Variants in TTN observed in about 807,000 individuals in gnomAD.
TTN encodes titin.
A neutral mutation model predicts 3,223.0 loss-of-function variants in TTN; 1,525 were observed. The observed-to-expected ratio is 0.47, with a 90% CI of 0.45 to 0.49. The LOEUF is 0.49. Among genes scored for constraint, TTN ranks in the 20% least tolerant of loss-of-function variants. The probability of loss-of-function intolerance (pLI) is 0.00; values close to 1 mark genes in which losing one functional copy is unlikely to be tolerated. For missense variants in TTN, 40,786 were observed against 43,424.0 expected (o/e 0.94, Z 5.40); for synonymous variants, 14,094 against 15,161.0 (o/e 0.93, Z 5.17).
At chr2:178,684,296 T>G in intron 132 of TTN, 34 bp downstream of exon 132, 4 of 1,604,926 alleles carry the variant, frequency 2.5e-6, no homozygotes, top group Non-Finnish European at 3.4e-6. Flanking sequence ...GTAGGGCAAG[T>G]ACAATATTGT....
chr2:178,675,744 T>TA lies in TTN; in HGVS notation c.34463dup (p.Pro11489ThrfsTer2). ...TCTTTTCTGGCTCAGGTTTCTTAGG[T>TA]ACCACAGACACTTTAAAAATATTAT... On this transcript the variant is annotated frameshift_variant, in exon 149 of 363. Coordinates refer to ENST00000589042, the MANE Select transcript of TTN (RefSeq NM_001267550.2). LOFTEE classifies it high-confidence loss of function. 6.9e-7 allele frequency: 1 copy of TA among 1,452,678 alleles called. No individual in the cohort carries two copies. Among genetic ancestry groups the TA allele is most frequent in the Non-Finnish European group, 9.0e-7 (1 of 1,111,050 alleles). 90.0% of individuals were successfully genotyped at this position (1,452,678 alleles called of 1,614,324 possible). A position where few individuals can be genotyped will look rare whatever the true frequency, so the allele number is the denominator to read the frequency against.
At position 178,534,689 on chromosome 2, in the gene TTN, A is replaced by G; in HGVS notation, c.101926T>C (p.Phe33976Leu). ...LKPGDNFRLL[F>L]TAPEYYAPEV... ...GGTGCATAGTATTCTGGGGCAGTGA[A>G]TAGAAGCCTGAAGTTGTCCCCTGGT... The change falls in exon 358 of 363, where the codon TTC becomes CTC. Residue 33976 changes from phenylalanine to leucine, a missense_variant. Coordinates refer to ENST00000589042, the MANE Select transcript of TTN (RefSeq NM_001267550.2). The G allele has an allele frequency of 6.2e-7, 1 of 1,613,858 alleles. No individual in the cohort carries two copies. The highest frequency in any genetic ancestry group is 1.1e-5 in the South Asian group (1 of 91,082).
chr2:178,591,923 T>C, intron 302 of TTN, 31 bp from the exon 303 acceptor site: 1 of 1,605,750 alleles, frequency 6.2e-7, no homozygotes, highest in Non-Finnish European at 8.5e-7. Context: ...GATGAAAAAG[T>C]AATATTCTTA....
At position 178,718,215 on chromosome 2, in the gene TTN, G is replaced by A. The variant is rs1235369035; in HGVS notation, c.24791C>T (p.Pro8264Leu). The change falls in exon 86 of 363, where the codon CCG becomes CTG. Residue 8264 changes from proline to leucine, a missense_variant. Pro to Leu is a moderately conservative substitution (Grantham distance 98, BLOSUM62 -3). Transcript: ENST00000589042. ...CEALVSVLEP[P>L]YFIEPLEHVE... is the part of the protein sequence containing the mutation. ...ATGTTCCAGAGGTTCAATAAAGTAC[G>A]GTGGTTCTATGGTACAAAGGATGGT... 3.8e-6 allele frequency: 6 copies of A among 1,598,852 alleles called. No individual in the cohort carries two copies. Among genetic ancestry groups the A allele is most frequent in the South Asian group, 2.2e-5 (2 of 90,014 alleles).
In TTN at chr2:178,531,209, G is replaced by A. The variant is rs372875128; in HGVS notation, c.105406C>T (p.Arg35136Trp). ...TCGCCCTCGTAGACGGTCATGGACC[G>A]TGGCTTTGTTAGAATTCTTGCTGCC... ...TLAARILTKP[R>W]SMTVYEGESA... Residue 35136 changes from arginine (R) to tryptophan (W), a missense_variant, in exon 358 of 363, where the codon CGG becomes TGG. Arg to Trp is a moderately radical substitution (Grantham distance 101, BLOSUM62 -3). Coordinates refer to ENST00000589042, the MANE Select transcript of TTN (RefSeq NM_001267550.2). The A allele has an allele frequency of 4.3e-5, 69 of 1,613,852 alleles. No homozygotes were observed. In the East Asian group the frequency reaches 6.2e-4, roughly 15 times the overall value.
intron 356 of TTN, 83 bp from the exon 357 acceptor site, chr2:178,536,658 A>G: frequency 8.4e-7 from 1 of 1,197,412 alleles, no homozygotes; most frequent in South Asian, 1.9e-5. Flanking sequence ...AGAATGTTAT[A>G]TGAGTCCAAA....
rs1442183861 is a variant in TTN, at chr2:178,636,857, A to G, written c.40928-58T>C. The G allele has an allele frequency of 1.3e-6, 2 of 1,497,710 alleles. No homozygotes were observed. The highest frequency in any genetic ancestry group is 1.8e-6 in the Non-Finnish European group (2 of 1,126,502). 92.8% of individuals were successfully genotyped at this position (1,497,710 alleles called of 1,614,324 possible). The stretch of plus-strand genomic sequence containing the variant: ...CATCTCCTTAGGAGTCAGAAAGTTC[A>G]TACTTGGCTGCCTGCTGGATAAAAC... On this transcript the variant is annotated intron_variant, in intron 224 of 362. Coordinates refer to ENST00000589042, the MANE Select transcript of TTN (RefSeq NM_001267550.2). The surrounding 1 kb of genome is among the most constrained non-coding windows in gnomAD (Gnocchi z 4.3).
intron 141 of TTN, 48 bp downstream of exon 141, chr2:178,679,551 C>T: frequency 6.3e-7 from 1 of 1,592,342 alleles, no homozygotes; most frequent in Admixed American, 1.8e-5. Flanking sequence ...TTAACTATTT[C>T]TAGGCAGATG....
rs1424768327 is a variant in TTN at position 178,565,543 on chromosome 2, A to T, written c.80589T>A (p.Asp26863Glu). 2 of 1,613,450 alleles carry T rather than the reference A, an allele frequency of 1.2e-6. No homozygotes were observed. Among genetic ancestry groups the T allele is most frequent in the African/African-American group, 2.7e-5 (2 of 74,898 alleles). Residue 26863 changes from aspartate (D) to glutamate (E), a missense_variant, in exon 326 of 363, where the codon GAT becomes GAA. Asp to Glu is a conservative substitution (Grantham distance 45). Coordinates refer to ENST00000589042, the MANE Select transcript of TTN (RefSeq NM_001267550.2). ...VKAYNEKGKS[D>E]PRVLGVPVIA... ...TGACAGGAACACCCAACACTCTTGGATCGCTTTTTCCTTTCTCATTATAAG... is the reference window on the plus strand; with the variant it reads ...TGACAGGAACACCCAACACTCTTGGTTCGCTTTTTCCTTTCTCATTATAAG...
At position 178,746,563 on chromosome 2, in the gene TTN, C is replaced by T. The variant is rs368255478; in HGVS notation, c.11312-4642G>A. 6.2e-6 allele frequency: 10 copies of T among 1,613,032 alleles called. No homozygotes were observed. In the East Asian group the frequency reaches 8.9e-5, roughly 14 times the overall value. On this transcript the variant is annotated intron_variant, in intron 47 of 362. Transcript: ENST00000589042. Reference sequence around the variant, plus strand: ...GTGTTACTGGAGGTGGTAGTGCCACCACTCTTTCTTCCTGGGGCATTATGT... The same window carrying T: ...GTGTTACTGGAGGTGGTAGTGCCACTACTCTTTCTTCCTGGGGCATTATGT...
chr2:178,549,937 C>G (rs998080261), intron 337 of TTN, 49 bp downstream of exon 337: 4 of 1,560,826 alleles, frequency 2.6e-6, no homozygotes, highest in Admixed American at 1.9e-5. Flanking sequence ...AGGCATGTCT[C>G]TAATCCAAGT....
intron 218 of TTN, among the ~76,000 whole-genome samples, chr2:178,643,446 A>G (rs1560040716): frequency 6.6e-6 from 1 of 151,932 alleles, no homozygotes. Flanking sequence ...TTGGCCTTCA[A>G]TACTATTTTA....
In TTN at chr2:178,560,416, T is replaced by G; in HGVS notation, c.85716A>C (p.Ser28572=). ...CACTACCTCCATCACTCTCGGGTCT[T>G]GACCAGCAAAGTGTCATAGATTCTT... ...VTKESMTLCW[S]RPESDGGSEI... is the part of the protein sequence containing the mutation. Residue 28572 remains serine (S), a synonymous_variant, in exon 326 of 363, where the codon TCA becomes TCC. Transcript: ENST00000589042. 6.2e-7 allele frequency: 1 copy of G among 1,613,728 alleles called. No homozygotes were observed.
At position 178,548,870 on chromosome 2, in the gene TTN, C is replaced by T. The variant is rs749986129; in HGVS notation, c.92756G>A (p.Arg30919Gln). 37 of 1,613,504 alleles carry T rather than the reference C, an allele frequency of 2.3e-5. 1 individual carries two copies. The South Asian group carries it at 2.7e-4, about 12-fold the overall frequency. The change falls in exon 339 of 363, where the codon CGG becomes CAG. Residue 30919 changes from arginine to glutamine, a missense_variant. Physicochemically the swap from Arg to Gln is conservative, Grantham distance 43 (BLOSUM62 1). Transcript: ENST00000589042. The surrounding 1 kb of genome is among the most constrained non-coding windows in gnomAD (Gnocchi z 4.3). ...EVTGTIKAVD[R>Q]LTAPELDIDA... ...TATGTCTAACTCAGGAGCTGTTAAC[C>T]GGTCAACTGCTTTAATTGTGCCAGT... is the stretch of plus-strand genomic sequence containing the variant.
At position 178,536,224 on chromosome 2, in the gene TTN, C is replaced by CT; in HGVS notation, c.100522dup (p.Arg33508LysfsTer37). ...GACCAAGGTAGCATTGCTCTGATAT[C>CT]TGACATTTAGATTTCTCAGTTCCTC... is the stretch of plus-strand genomic sequence containing the variant. On this transcript the variant is annotated frameshift_variant, in exon 357 of 363. Transcript: ENST00000589042. LOFTEE classifies it high-confidence loss of function. 1 of 1,613,294 alleles carries CT rather than the reference C, an allele frequency of 6.2e-7. No homozygotes were observed. Among genetic ancestry groups the CT allele is most frequent in the East Asian group, 2.2e-5 (1 of 44,844 alleles).
rs145357435 is a variant in TTN at position 178,685,666 on chromosome 2, T to G, written c.32312-68A>C. The G allele has an allele frequency of 2.2e-3, 3,220 of 1,490,460 alleles. 51 individuals carry two copies. The highest frequency in any genetic ancestry group is 0.021 in the South Asian group (1,726 of 82,170). The allele number at this position is 1,490,460 out of a possible 1,614,324, so 92.3% of individuals were successfully genotyped here. A position where few individuals can be genotyped will look rare whatever the true frequency, so the allele number is the denominator to read the frequency against. ...TTCATGTTTATTTTTAGCTTTAATTTATCACTTCAAAGAGTAATCAAAATA... is the reference window on the plus strand; with the variant it reads ...TTCATGTTTATTTTTAGCTTTAATTGATCACTTCAAAGAGTAATCAAAATA... On this transcript the variant is annotated intron_variant, in intron 127 of 362. Transcript: ENST00000589042.
In TTN at chr2:178,588,208, G is replaced by T; in HGVS notation, c.63199C>A (p.Pro21067Thr). The T allele has an allele frequency of 6.4e-7, 1 of 1,572,340 alleles. No individual in the cohort carries two copies. The highest frequency in any genetic ancestry group is 1.2e-5 in the South Asian group (1 of 84,716). Residue 21067 changes from proline (P) to threonine (T), a missense_variant, in exon 305 of 363, where the codon CCA (proline) becomes ACA (threonine). Physicochemically the swap from Pro to Thr is conservative, Grantham distance 38. Transcript: ENST00000589042. The stretch of plus-strand genomic sequence containing the variant: ...TCAACCACTCTGAAATTGGTTGGTG[G>T]ACCAGGTGGCTCTGAAAGTAAAATA... ...VAKDPIEPPGPPTNFRVVDTT... is the reference protein window; with the variant it reads ...VAKDPIEPPGTPTNFRVVDTT...
chr2:178,738,227 C>T lies in TTN; in HGVS notation c.14226G>A (p.Glu4742=), dbSNP rs1560881026. The T allele has an allele frequency of 6.2e-7, 1 of 1,613,462 alleles. No individual in the cohort carries two copies. The highest frequency in any genetic ancestry group is 8.5e-7 in the Non-Finnish European group (1 of 1,179,746). Reference sequence around the variant, plus strand: ...AAGATCGAATAGAACACTTGTCACTCTCATAAATTTCTCGGCCAGCTTTAA... The same window carrying T: ...AAGATCGAATAGAACACTTGTCACTTTCATAAATTTCTCGGCCAGCTTTAA... The part of the protein sequence containing the change: ...QWFKAGREIY[E]SDKCSIRSSK... Residue 4742 remains glutamate (E), a synonymous_variant, in exon 49 of 363, where the codon GAG becomes GAA. Transcript: ENST00000589042.
rs2056897383 is a variant in TTN, at chr2:178,614,343, G to T, written c.49054C>A (p.Pro16352Thr). 1 of 1,611,932 alleles carries T rather than the reference G, an allele frequency of 6.2e-7. No homozygotes were observed. Among genetic ancestry groups the T allele is most frequent in the Admixed American group, 1.7e-5 (1 of 59,808 alleles). The change falls in exon 262 of 363, where the codon CCC (proline) becomes ACC (threonine). Residue 16352 changes from proline (P) to threonine (T), a missense_variant. Physicochemically the swap from Pro to Thr is conservative, Grantham distance 38. Transcript: ENST00000589042. ...AVVEVNVLDKPGPPAAFDITD... is the reference protein window; with the variant it reads ...AVVEVNVLDKTGPPAAFDITD... The stretch of plus-strand genomic sequence containing the variant: ...ATGTCAAAGGCAGCTGGTGGTCCGG[G>T]TTTATCTGTGTATGGCATTACAGAT...
Sources: gnomAD v4.1 joint callset for allele counts (sites outside exome capture counted in the v4.1 genomes callset) on GRCh38, gnomAD v4.1.1 for gene constraint, Gnocchi (gnomAD v3.1) non-coding constraint, MANE v1.5 for transcripts, NCBI Gene and HGNC (gene_info 2026-07-23, HGNC 2026-07-21) for gene names.